Variants in MBD5 observed in about 807,000 individuals in gnomAD.
MBD5 encodes methyl-CpG-binding domain protein 5.
A neutral mutation model predicts 117.3 loss-of-function variants in MBD5; 13 were observed. The ratio of observed to expected loss-of-function variants is 0.11; its 90% CI spans 0.07 to 0.18. The LOEUF is 0.18. Among genes scored for constraint, MBD5 ranks in the 10% least tolerant of loss-of-function variants. MBD5 has a pLI of 1.00. For synonymous variants in MBD5, 727 were observed against 766.4 expected, an observed-to-expected ratio of 0.95 and a Z score of 0.85; for missense variants, 1,879 against 2,093.8, an observed-to-expected ratio of 0.90 and a Z score of 2.00.
intron 2 of MBD5, among the ~76,000 whole-genome samples, chr2:148,228,265 A>G (rs935795899): frequency 6.6e-6 from 1 of 152,144 alleles, no homozygotes; most frequent in African/African-American, 2.4e-5. Flanking sequence ...GATGGCTCTT[A>G]TTATTTTGAG....
intron 1 of MBD5, among the ~76,000 whole-genome samples, chr2:148,073,589 A>G (rs989207492): frequency 1.3e-5 from 2 of 152,218 alleles, no homozygotes; most frequent in Non-Finnish European, 2.9e-5. Flanking sequence ...TGACTTCTAC[A>G]TACATACAAG....
intron 4 of MBD5, among the ~76,000 whole-genome samples, chr2:148,420,094 A>C (rs1219069435): frequency 6.6e-6 from 1 of 152,172 alleles, no homozygotes; most frequent in Non-Finnish European, 1.5e-5. Context: ...GACCTGATAC[A>C]AAATTGTTTT....
At chr2:148,151,439 G>T (rs1191339557) in intron 1 of MBD5, among the ~76,000 whole-genome samples, 1 of 152,222 alleles carries the variant, frequency 6.6e-6, no homozygotes, top group Non-Finnish European at 1.5e-5. Context: ...TTTGGTATCA[G>T]AATGATGCTG....
At chr2:148,316,635 C>T (rs989639430) in intron 3 of MBD5, among the ~76,000 whole-genome samples, 1 of 151,868 alleles carries the variant, frequency 6.6e-6, no homozygotes, top group African/African-American at 2.4e-5. Flanking sequence ...AAAAATTAAA[C>T]CCAGAATCTA....
chr2:148,095,496 A>G (rs1426695338), intron 1 of MBD5, among the ~76,000 whole-genome samples: 1 of 152,136 alleles, frequency 6.6e-6, no homozygotes, highest in African/African-American at 2.4e-5. Flanking sequence ...TGATTTACTT[A>G]GTACCAAAGT....
chr2:148,115,107 ATATC>A (rs767180129), intron 1 of MBD5, among the ~76,000 whole-genome samples: 10 of 152,178 alleles, frequency 6.6e-5, no homozygotes, highest in Non-Finnish European at 1.3e-4. Flanking sequence ...TGCTTTTTAA[ATATC>A]TATCAATATA....
At chr2:148,226,306 C>T (rs187157422) in intron 2 of MBD5, among the ~76,000 whole-genome samples, 16 of 152,212 alleles carry the variant, frequency 1.1e-4, no homozygotes, top group Non-Finnish European at 2.2e-4. Context: ...TGTTCCCCCT[C>T]CTGTGTCCAT....
intron 3 of MBD5, among the ~76,000 whole-genome samples, chr2:148,287,509 T>C (rs1207222650): frequency 6.6e-6 from 1 of 152,202 alleles, no homozygotes; most frequent in Non-Finnish European, 1.5e-5. Context: ...ATTCAGGTAA[T>C]GGGACCTCTC....
rs1553518674 is a variant in MBD5 at position 148,469,838 on chromosome 2, T to C, written c.1895T>C (p.Leu632Pro). The change falls in exon 8 of 14, where the codon CTC becomes CCC. Residue 632 changes from leucine to proline, a missense_variant. Transcript: ENST00000642680. ...TMFPPTANML[L>P]PTGEGQSGRA... ...TTCCCTCCTACTGCCAACATGCTTC[T>C]CCCAACAGGTGAAGGGCAAAGTGGT... The C allele has an allele frequency of 6.2e-7, 1 of 1,613,894 alleles. No individual in the cohort carries two copies.
At position 148,463,709 on chromosome 2, in the gene MBD5, T is replaced by C. The variant is rs754174108; in HGVS notation, c.217-30T>C. ...TTTTTATTAAATGTTTTTACAGACA[T>C]ATTCTAAACAAAGGCTGTGCTTTTT... On this transcript the variant is annotated intron_variant, in intron 6 of 13. Transcript: ENST00000642680. The C allele has an allele frequency of 2.5e-6, 4 of 1,610,968 alleles. No homozygotes were observed. In the Admixed American group the frequency reaches 6.7e-5, roughly 27 times the overall value.
chr2:148,117,402 TTC>T (rs2105381977), intron 1 of MBD5, among the ~76,000 whole-genome samples: 1 of 152,300 alleles, frequency 6.6e-6, no homozygotes, highest in Admixed American at 6.5e-5. Flanking sequence ...AAATTATGTT[TTC>T]TCTAACAATA....
At chr2:148,326,086 G>A (rs566563747) in intron 3 of MBD5, among the ~76,000 whole-genome samples, 26 of 152,134 alleles carry the variant, frequency 1.7e-4, no homozygotes, top group African/African-American at 5.3e-4. Flanking sequence ...CCTTCATTTC[G>A]TTATGTACCC....
At chr2:148,147,944 C>A (rs1453433120) in intron 1 of MBD5, among the ~76,000 whole-genome samples, 4 of 152,168 alleles carry the variant, frequency 2.6e-5, no homozygotes, top group Non-Finnish European at 5.9e-5. Flanking sequence ...AGTCACCATA[C>A]ATGGCTCTAT....
At chr2:148,269,386 T>C (rs1700930178) in intron 3 of MBD5, among the ~76,000 whole-genome samples, 1 of 151,870 alleles carries the variant, frequency 6.6e-6, no homozygotes, top group South Asian at 2.1e-4. Flanking sequence ...TTATTATAGA[T>C]TTCTTCTTCA....
chr2:148,176,704 C>T (rs1403871872), intron 1 of MBD5, among the ~76,000 whole-genome samples: 1 of 152,012 alleles, frequency 6.6e-6, no homozygotes, highest in Non-Finnish European at 1.5e-5. Context: ...CCACTACGCC[C>T]AGCAACAATT....
At chr2:148,308,625 G>A (rs948353634) in intron 3 of MBD5, among the ~76,000 whole-genome samples, 6 of 149,766 alleles carry the variant, frequency 4.0e-5, no homozygotes, top group Non-Finnish European at 5.9e-5. Context: ...TCTGATGAGA[G>A]TTTCTTTTGC....
chr2:148,228,289 A>G (rs1699889324), intron 2 of MBD5, among the ~76,000 whole-genome samples: 1 of 152,198 alleles, frequency 6.6e-6, no homozygotes, highest in Non-Finnish European at 1.5e-5. Context: ...CGTCCCATCA[A>G]TCCCTAATTT....
At chr2:148,081,748 A>G (rs1695653530) in intron 1 of MBD5, among the ~76,000 whole-genome samples, 1 of 152,154 alleles carries the variant, frequency 6.6e-6, no homozygotes, top group African/African-American at 2.4e-5. Flanking sequence ...GGCTCTGTGC[A>G]TGCTTAAGAT....
chr2:148,208,715 A>G (rs1699346042), intron 2 of MBD5, among the ~76,000 whole-genome samples: 1 of 140,984 alleles, frequency 7.1e-6, no homozygotes, highest in South Asian at 2.2e-4. Context: ...AATTATTTTT[A>G]TAGATTACTT....
Sources: gnomAD v4.1 joint callset for allele counts (sites outside exome capture counted in the v4.1 genomes callset) on GRCh38, gnomAD v4.1.1 for gene constraint, MANE v1.5 for transcripts, NCBI Gene and HGNC (gene_info 2026-07-23, HGNC 2026-07-21) for gene names.